The following SNTB2 variants were observed in gnomAD, a reference collection of about 807,000 sequenced individuals.
SNTB2 encodes syntrophin beta 2, also known as beta-2-syntrophin.
In SNTB2, 34 loss-of-function variants were observed where a neutral mutation model predicts 46.2. That is an observed-to-expected ratio of 0.74 (90% CI 0.56 to 0.98). SNTB2 has a LOEUF of 0.98. Ranked by LOEUF, SNTB2 falls within the 50% of genes least tolerant of loss-of-function variation. SNTB2 has a pLI of 0.00. For missense variants in SNTB2, 603 were observed against 731.4 expected (o/e 0.82, Z 2.02); for synonymous variants, 290 against 312.6 (o/e 0.93, Z 0.76).
chr16:69,259,998 G>T, intron 2 of SNTB2, 52 bp from the exon 3 acceptor site: 1 of 1,374,584 alleles, frequency 7.3e-7, no homozygotes, highest in South Asian at 1.2e-5. Flanking sequence ...AACCTGGCAG[G>T]TTTGGTGACT....
chr16:69,251,810 G>T (rs1964729700), intron 2 of SNTB2, among the ~76,000 whole-genome samples: 1 of 152,082 alleles, frequency 6.6e-6, no homozygotes, highest in Non-Finnish European at 1.5e-5. Flanking sequence ...GCCAGGCTGG[G>T]CACAGTGGTT....
At chr16:69,230,880 G>A (rs919228075) in intron 1 of SNTB2, 2 of 152,178 alleles carry the variant, frequency 1.3e-5, no homozygotes, top group African/African-American at 4.8e-5. Context: ...GAGTAGCTGG[G>A]ACTACAGGCG....
intron 5 of SNTB2, among the ~76,000 whole-genome samples, chr16:69,293,475 G>A (rs1401785599): frequency 1.3e-5 from 2 of 152,216 alleles, no homozygotes; most frequent in African/African-American, 4.8e-5. Context: ...GATAATTGAT[G>A]TCCTTGGGGA....
rs1354780805 is a variant in SNTB2, at chr16:69,308,755, C to T, written c.*7831C>T. On this transcript the variant is annotated 3_prime_UTR_variant, in exon 7 of 7. Transcript: ENST00000336278. ...TGGGTTTTTTCCTTCTTTTTAGAAC[C>T]CTGTATTTAAACAAGCCTTCTTTTT... 6.6e-6 allele frequency: 1 copy of T among 152,002 alleles called. No homozygotes were observed. Among genetic ancestry groups the T allele is most frequent in the African/African-American group, 2.4e-5 (1 of 41,364 alleles). 9.4% of individuals were successfully genotyped at this position (152,002 alleles called of 1,614,324 possible).
rs1327488017 is a variant in SNTB2, at chr16:69,259,980, G to A, written c.795-70G>A. On this transcript the variant is annotated intron_variant, in intron 2 of 6. Coordinates refer to ENST00000336278, the MANE Select transcript of SNTB2 (RefSeq NM_006750.4). ...AAAATTAAAATAGATTTGCAGTTAT[G>A]TATTTTAAACCTGGCAGGTTTGGTG... is the stretch of plus-strand genomic sequence containing the variant. The A allele has an allele frequency of 2.7e-5, 28 of 1,050,998 alleles. No individual in the cohort carries two copies. In the Admixed American group the frequency reaches 4.7e-4, roughly 18 times the overall value. 65.1% of individuals were successfully genotyped at this position (1,050,998 alleles called of 1,614,324 possible).
In SNTB2 at chr16:69,301,654, A is replaced by T. The variant is rs1327658390; in HGVS notation, c.*730A>T. The stretch of plus-strand genomic sequence containing the variant: ...GCAAGTTGGAAGCCACTGCTTTTAA[A>T]GAAAAGTTTTGCTTGGTTTAGGTTT... On this transcript the variant is annotated 3_prime_UTR_variant, in exon 7 of 7. Coordinates refer to ENST00000336278, the MANE Select transcript of SNTB2 (RefSeq NM_006750.4). 1.3e-5 allele frequency: 2 copies of T among 152,690 alleles called. No homozygotes were observed. Among genetic ancestry groups the T allele is most frequent in the African/African-American group, 4.8e-5 (2 of 41,472 alleles). 9.5% of individuals were successfully genotyped at this position (152,690 alleles called of 1,614,324 possible).
chr16:69,212,670 T>A (rs1269011936), intron 1 of SNTB2, among the ~76,000 whole-genome samples: 2 of 149,580 alleles, frequency 1.3e-5, no homozygotes, highest in Non-Finnish European at 3.0e-5. Context: ...GTTTCACTCT[T>A]GTTGCCCTGG....
intron 2 of SNTB2, among the ~76,000 whole-genome samples, chr16:69,246,680 C>T (rs1489862081): frequency 7.1e-6 from 1 of 140,282 alleles, no homozygotes; most frequent in Non-Finnish European, 1.5e-5. Context: ...GGCTGTGAAT[C>T]CATCTGGTCC....
At chr16:69,218,175 A>G (rs1964366877) in intron 1 of SNTB2, among the ~76,000 whole-genome samples, 2 of 152,198 alleles carry the variant, frequency 1.3e-5, no homozygotes, top group Admixed American at 1.3e-4. Flanking sequence ...TTTAGCATGC[A>G]TAAAGATAAA....
chr16:69,305,709 T>C lies in SNTB2; in HGVS notation c.*4785T>C, dbSNP rs141006855. 1 of 152,310 alleles carries C rather than the reference T, an allele frequency of 6.6e-6. No homozygotes were observed. The highest frequency in any genetic ancestry group is 6.5e-5 in the Admixed American group (1 of 15,294). 9.4% of individuals were successfully genotyped at this position (152,310 alleles called of 1,614,324 possible). ...TTAATTACCAGGTGGTATTATACTCTACTTTGAGTTTGGACATCACTTTCA... is the reference window on the plus strand; with the variant it reads ...TTAATTACCAGGTGGTATTATACTCCACTTTGAGTTTGGACATCACTTTCA... On this transcript the variant is annotated 3_prime_UTR_variant, in exon 7 of 7. Transcript: ENST00000336278.
chr16:69,212,885 G>A (rs546541770), intron 1 of SNTB2, among the ~76,000 whole-genome samples: 146 of 152,014 alleles, frequency 9.6e-4, no homozygotes, highest in Middle Eastern at 6.8e-3. Flanking sequence ...TGCCCGCCTC[G>A]GCCTCCCAAA....
At chr16:69,193,734 A>G (rs1336210450) in intron 1 of SNTB2, among the ~76,000 whole-genome samples, 2 of 152,178 alleles carry the variant, frequency 1.3e-5, no homozygotes, top group East Asian at 3.8e-4. Flanking sequence ...AAACACAGAA[A>G]CCCATTTAAA....
rs1965328192 is a variant in SNTB2, at chr16:69,307,955, C to G, written c.*7031C>G. 1.3e-5 allele frequency: 2 copies of G among 152,188 alleles called. No homozygotes were observed. Among genetic ancestry groups the G allele is most frequent in the Non-Finnish European group, 2.9e-5 (2 of 68,034 alleles). 9.4% of individuals were successfully genotyped at this position (152,188 alleles called of 1,614,324 possible). A position where few individuals can be genotyped will look rare whatever the true frequency, so the allele number is the denominator to read the frequency against. ...TCACACAATAACAGTCCCTTTCTATCCAGCTTGCCTTCCATTTATCTCTAG... is the reference window on the plus strand; with the variant it reads ...TCACACAATAACAGTCCCTTTCTATGCAGCTTGCCTTCCATTTATCTCTAG... On this transcript the variant is annotated 3_prime_UTR_variant, in exon 7 of 7. Coordinates refer to ENST00000336278, the MANE Select transcript of SNTB2 (RefSeq NM_006750.4).
chr16:69,291,305 A>G (rs891394862), intron 5 of SNTB2, among the ~76,000 whole-genome samples: 7 of 152,164 alleles, frequency 4.6e-5, no homozygotes, highest in Admixed American at 3.3e-4. Flanking sequence ...TGCTGGAAAC[A>G]CTAGATAGGG....
At chr16:69,264,140 G>A (rs780851505) in intron 3 of SNTB2, among the ~76,000 whole-genome samples, 125 of 152,198 alleles carry the variant, frequency 8.2e-4, no homozygotes, top group Non-Finnish European at 1.3e-3. Flanking sequence ...TCCCACAGTC[G>A]CGAAGAGGCA....
chr16:69,194,805 G>A (rs936067747), intron 1 of SNTB2, among the ~76,000 whole-genome samples: 5 of 152,150 alleles, frequency 3.3e-5, no homozygotes, highest in Non-Finnish European at 7.4e-5. Context: ...TTAAGGTGAT[G>A]TTAACAGAAG....
intron 2 of SNTB2, among the ~76,000 whole-genome samples, chr16:69,252,456 G>A (rs1015721802): frequency 6.6e-6 from 1 of 152,162 alleles, no homozygotes; most frequent in Admixed American, 6.5e-5. Context: ...AGAACAAGGT[G>A]TTCTTAAACA....
chr16:69,239,692 G>C (rs931805203), intron 1 of SNTB2, among the ~76,000 whole-genome samples: 30 of 152,060 alleles, frequency 2.0e-4, no homozygotes, highest in African/African-American at 7.2e-4. Flanking sequence ...TTACAGGCGT[G>C]CACCACTATG....
chr16:69,268,822 G>A (rs748080086), intron 3 of SNTB2, among the ~76,000 whole-genome samples: 10 of 148,660 alleles, frequency 6.7e-5, no homozygotes, highest in East Asian at 4.0e-4. Flanking sequence ...CAGAAATCGC[G>A]CCGCTGCCCT....
Sources: allele counts gnomAD v4.1 joint callset (sites outside exome capture counted in the v4.1 genomes callset), GRCh38; gene constraint gnomAD v4.1.1; transcripts MANE v1.5; gene names NCBI Gene and HGNC (gene_info 2026-07-23, HGNC 2026-07-21).